CDH12: variants seen among roughly 807,000 people sequenced by gnomAD.
CDH12 encodes the protein cadherin-12.
Under a neutral mutation model 74.1 loss-of-function variants are expected in CDH12, and 41 were observed. That is an observed-to-expected ratio of 0.55 (90% CI 0.43 to 0.72). The LOEUF (loss-of-function observed/expected upper bound fraction) is 0.72. CDH12 is among the 30% of genes least tolerant of loss of function. The pLI is 0.00. For missense variants in CDH12, 945 were observed against 977.2 expected, an observed-to-expected ratio of 0.97 and a Z score of 0.44; for synonymous variants, 399 against 355.0, an observed-to-expected ratio of 1.12 and a Z score of -1.39.
intron 3 of CDH12, among the ~76,000 whole-genome samples, chr5:22,306,839 T>C (rs971578194): frequency 6.6e-6 from 1 of 152,320 alleles, no homozygotes; most frequent in Non-Finnish European, 1.5e-5. Flanking sequence ...AGATGTACCA[T>C]GCCTCTACAT....
At chr5:22,331,472 G>A (rs752543928) in intron 3 of CDH12, among the ~76,000 whole-genome samples, 3 of 152,158 alleles carry the variant, frequency 2.0e-5, no homozygotes, top group Non-Finnish European at 2.9e-5. Flanking sequence ...GACCACCAAG[G>A]TGGTACCTCT....
chr5:21,758,787 A>G (rs1744547339), intron 13 of CDH12, among the ~76,000 whole-genome samples: 1 of 152,224 alleles, frequency 6.6e-6, no homozygotes, highest in South Asian at 2.1e-4. Context: ...GTTCACAGCC[A>G]TAAAAAAGAA....
At chr5:21,880,675 CTTTCTTTCTTTCT>C (rs1561268846) in intron 6 of CDH12, among the ~76,000 whole-genome samples, 12 of 115,776 alleles carry the variant, frequency 1.0e-4, no homozygotes, top group Non-Finnish European at 1.8e-4. Context: ...TTCTTTCTTT[CTTTCTTTCTTTCT>C]TTCTCTTTTC....
chr5:22,464,616 A>G (rs762590186), intron 2 of CDH12, among the ~76,000 whole-genome samples: 3 of 152,052 alleles, frequency 2.0e-5, no homozygotes, highest in Non-Finnish European at 4.4e-5. Context: ...AAGTTCCCCC[A>G]TTTCTCTGAT....
chr5:21,826,280 T>C (rs191475601), intron 8 of CDH12, among the ~76,000 whole-genome samples: 78 of 152,286 alleles, frequency 5.1e-4, no homozygotes, highest in African/African-American at 1.8e-3. Context: ...TATTCAAACA[T>C]GAGATCATAG....
intron 2 of CDH12, among the ~76,000 whole-genome samples, chr5:22,448,599 C>T (rs1744920618): frequency 6.6e-6 from 1 of 151,966 alleles, no homozygotes; most frequent in South Asian, 2.1e-4. Context: ...CTTACACTAA[C>T]TTTAAATCTC....
intron 3 of CDH12, among the ~76,000 whole-genome samples, chr5:22,352,126 G>GTTT (rs77885542): frequency 7.3e-6 from 1 of 136,954 alleles, no homozygotes. Flanking sequence ...GCTTAGACTT[G>GTTT]TTTTTTTTTT....
chr5:22,716,180 A>T (rs1303698469), intron 1 of CDH12, among the ~76,000 whole-genome samples: 1 of 152,094 alleles, frequency 6.6e-6, no homozygotes, highest in African/African-American at 2.4e-5. Context: ...AACTCAATGG[A>T]CAGCACTGAA....
intron 6 of CDH12, among the ~76,000 whole-genome samples, chr5:21,879,151 A>G (rs2150028736): frequency 6.6e-6 from 1 of 152,322 alleles, no homozygotes; most frequent in Middle Eastern, 3.4e-3. Context: ...GAGTTACAGT[A>G]TAGTAATCAT....
chr5:22,454,370 C>T (rs1313816846), intron 2 of CDH12, among the ~76,000 whole-genome samples: 2 of 152,074 alleles, frequency 1.3e-5, no homozygotes, highest in African/African-American at 4.8e-5. Flanking sequence ...TTATGAGATC[C>T]CTACACAAAG....
intron 3 of CDH12, among the ~76,000 whole-genome samples, chr5:22,259,740 T>C (rs1043351702): frequency 6.6e-6 from 1 of 152,026 alleles, no homozygotes; most frequent in East Asian, 1.9e-4. Context: ...ACTTTTTTTT[T>C]TTACTAGCAC....
intron 4 of CDH12, among the ~76,000 whole-genome samples, chr5:22,195,322 C>G (rs1206146262): frequency 6.6e-6 from 1 of 152,000 alleles, no homozygotes; most frequent in Non-Finnish European, 1.5e-5. Context: ...TATATAACTA[C>G]CTGTTAATAT....
chr5:22,045,109 T>C (rs536933288), intron 5 of CDH12, among the ~76,000 whole-genome samples: 1 of 152,272 alleles, frequency 6.6e-6, no homozygotes, highest in East Asian at 1.9e-4. Flanking sequence ...CCAACTAATA[T>C]TCCAATTACA....
intron 6 of CDH12, among the ~76,000 whole-genome samples, chr5:21,856,193 A>C (rs1750745938): frequency 6.6e-6 from 1 of 151,694 alleles, no homozygotes; most frequent in African/African-American, 2.4e-5. Flanking sequence ...ATTTCTACCC[A>C]GCATTGGGTA....
intron 6 of CDH12, among the ~76,000 whole-genome samples, chr5:21,940,297 A>G (rs923324612): frequency 2.6e-5 from 4 of 152,196 alleles, no homozygotes; most frequent in African/African-American, 9.6e-5. Context: ...AAATGCCTAA[A>G]AAAGGCCAAA....
intron 1 of CDH12, among the ~76,000 whole-genome samples, chr5:22,604,135 G>A (rs944448304): frequency 5.2e-4 from 79 of 152,294 alleles, no homozygotes; most frequent in African/African-American, 1.8e-3. Context: ...TGTGTGGACT[G>A]GACACAGAGT....
At chr5:21,752,879 G>T (rs1241141792) in intron 14 of CDH12, among the ~76,000 whole-genome samples, 1 of 152,106 alleles carries the variant, frequency 6.6e-6, no homozygotes, top group Non-Finnish European at 1.5e-5. Flanking sequence ...ACAAACTAAA[G>T]CATTAATTTC....
chr5:21,968,921 T>C (rs1160915959), intron 6 of CDH12, among the ~76,000 whole-genome samples: 1 of 150,472 alleles, frequency 6.6e-6, no homozygotes, highest in South Asian at 2.1e-4. Context: ...AAGTGGGAGC[T>C]GAACAGTAAG....
chr5:22,392,126 G>T (rs538425296), intron 3 of CDH12, among the ~76,000 whole-genome samples: 20 of 152,252 alleles, frequency 1.3e-4, no homozygotes, highest in African/African-American at 3.4e-4. Context: ...ATGACCCAGG[G>T]GAGTAAGGGA....
Sources: gnomAD v4.1 joint callset for allele counts (sites outside exome capture counted in the v4.1 genomes callset) on GRCh38, gnomAD v4.1.1 for gene constraint, MANE v1.5 for transcripts, NCBI Gene and HGNC (gene_info 2026-07-23, HGNC 2026-07-21) for gene names.